The following FERMT2 variants were observed in gnomAD, a reference collection of about 807,000 sequenced individuals.
FERMT2 encodes the protein fermitin family homolog 2.
Under a neutral mutation model 82.7 loss-of-function variants are expected in FERMT2, and 15 were observed. That is an observed-to-expected ratio of 0.18 (90% confidence interval 0.12 to 0.28). The LOEUF is 0.28. Ranked by LOEUF, FERMT2 falls within the 10% of genes least tolerant of loss-of-function variation. The pLI is 1.00. For missense variants in FERMT2, 645 were observed against 809.4 expected, an observed-to-expected ratio of 0.80 and a Z score of 2.46; for synonymous variants, 274 against 271.5, an observed-to-expected ratio of 1.01 and a Z score of -0.09.
chr14:52,869,661 CTA>C (rs141661661), intron 10 of FERMT2, among the ~76,000 whole-genome samples: 13,048 of 152,236 alleles, frequency 0.086, 663 homozygotes, highest in Middle Eastern at 0.15. Context: ...TGATAAATGA[CTA>C]TGTTACTGGT....
intron 8 of FERMT2, 41 bp downstream of exon 8, chr14:52,875,177 ATCAAT>A: frequency 6.5e-7 from 1 of 1,544,776 alleles, no homozygotes; most frequent in Non-Finnish European, 8.8e-7. Context: ...AATGGAATGC[ATCAAT>A]TCAAGCTAAA....
At chr14:52,906,708 C>T (rs1394506509) in intron 3 of FERMT2, among the ~76,000 whole-genome samples, 1 of 151,374 alleles carries the variant, frequency 6.6e-6, no homozygotes, top group Non-Finnish European at 1.5e-5. Context: ...ATGAAAAAAA[C>T]ATCTTAAATG....
In FERMT2 at chr14:52,859,640, C is replaced by A. The variant is rs945906576; in HGVS notation, c.1802G>T (p.Gly601Val). The A allele has an allele frequency of 1.1e-5, 18 of 1,612,270 alleles. No individual in the cohort carries two copies. Among genetic ancestry groups the A allele is most frequent in the Non-Finnish European group, 1.4e-5 (16 of 1,179,088 alleles). ...GAAACGCCATGTTTTAATTGCATCTCCAGTGCTGGCATCCATCCGAATCAG... is the reference window on the plus strand; with the variant it reads ...GAAACGCCATGTTTTAATTGCATCTACAGTGCTGGCATCCATCCGAATCAG... Reference protein sequence around the residue: ...NRLIRMDASTGDAIKTWRFSN... With the variant: ...NRLIRMDASTVDAIKTWRFSN... Residue 601 changes from glycine (G) to valine (V), a missense_variant, in exon 14 of 15, where the codon GGA becomes GTA. Physicochemically the swap from Gly to Val is moderately radical, Grantham distance 109. Transcript: ENST00000341590.
Position 52,860,445 on chromosome 14 carries a change from C to A in FERMT2, c.1623G>T (p.Glu541Asp). The change falls in exon 13 of 15, where the codon GAG becomes GAT. Residue 541 changes from glutamate (E) to aspartate (D), a missense_variant. Physicochemically the swap from Glu to Asp is conservative, Grantham distance 45. Transcript: ENST00000341590. Reference sequence around the variant, plus strand: ...TCATCTGAGCTACATTCTGATGGGCCTCCAAGATTCTCGCTGTTATCTAAA... The same window carrying A: ...TCATCTGAGCTACATTCTGATGGGCATCCAAGATTCTCGCTGTTATCTAAA... Reference protein sequence around the residue: ...KNKQITARILEAHQNVAQMSL... With the variant: ...KNKQITARILDAHQNVAQMSL... The A allele has an allele frequency of 6.2e-7, 1 of 1,612,780 alleles. No individual in the cohort carries two copies. The highest frequency in any genetic ancestry group is 1.7e-5 in the Admixed American group (1 of 59,818).
rs146421425 is a variant in FERMT2, at chr14:52,881,283, T to C, written c.713A>G (p.Lys238Arg). 1.0e-3 allele frequency: 1,657 copies of C among 1,613,992 alleles called. No homozygotes were observed. The highest frequency in any genetic ancestry group is 1.3e-3 in the Non-Finnish European group (1,558 of 1,180,002). Residue 238 changes from lysine to arginine, a missense_variant, in exon 5 of 15, where the codon AAG (lysine) becomes AGG (arginine). Lys to Arg is a conservative substitution (Grantham distance 26). Coordinates refer to ENST00000341590, the MANE Select transcript of FERMT2 (RefSeq NM_006832.3). The stretch of plus-strand genomic sequence containing the variant: ...TGCTTTATCAAGAAGAGCTTGAGGC[T>C]TGAACATTTTTGCCAAGATTTCTGG... Reference protein sequence around the residue: ...TSPEILAKMFKPQALLDKAKI... With the variant: ...TSPEILAKMFRPQALLDKAKI...
chr14:52,944,656 C>T (rs1890244806), intron 2 of FERMT2, among the ~76,000 whole-genome samples: 1 of 152,226 alleles, frequency 6.6e-6, no homozygotes, highest in African/African-American at 2.4e-5. Flanking sequence ...TTTTCCACTT[C>T]TGTGAGATGC....
At chr14:52,883,181 A>AACCCT (rs1181952980) in intron 4 of FERMT2, among the ~76,000 whole-genome samples, 2 of 152,118 alleles carry the variant, frequency 1.3e-5, no homozygotes, top group Non-Finnish European at 2.9e-5. Flanking sequence ...ACAAACAAAA[A>AACCCT]ACCCTCTAAA....
chr14:52,878,503 T>A, intron 7 of FERMT2, 79 bp downstream of exon 7: 1 of 853,226 alleles, frequency 1.2e-6, no homozygotes, highest in Non-Finnish European at 1.9e-6. Flanking sequence ...TTACTGGAAT[T>A]ACTATTCCAC....
chr14:52,933,626 C>T (rs533032074), intron 2 of FERMT2, among the ~76,000 whole-genome samples: 11 of 137,542 alleles, frequency 8.0e-5, no homozygotes, highest in Admixed American at 4.9e-4. Context: ...AGGAGAATTG[C>T]TTGAACACTG....
intron 2 of FERMT2, among the ~76,000 whole-genome samples, chr14:52,933,726 AAAAAAAAAAAAG>A (rs1427119520): frequency 2.0e-4 from 30 of 149,816 alleles, no homozygotes; most frequent in East Asian, 3.9e-4. Flanking sequence ...AAAAAAAAAA[AAAAAAAAAAAAG>A]GGAAAAGAAA....
chr14:52,935,273 A>C (rs1426589812), intron 2 of FERMT2, among the ~76,000 whole-genome samples: 1 of 152,222 alleles, frequency 6.6e-6, no homozygotes, highest in African/African-American at 2.4e-5. Flanking sequence ...ATTTCAATTA[A>C]GGTACCCCAT....
intron 6 of FERMT2, among the ~76,000 whole-genome samples, chr14:52,879,194 A>G (rs999526858): frequency 1.3e-5 from 2 of 152,234 alleles, no homozygotes; most frequent in Non-Finnish European, 2.9e-5. Context: ...AGTTATTTTA[A>G]GTATGCAAAA....
intron 6 of FERMT2, among the ~76,000 whole-genome samples, chr14:52,880,574 T>G (rs1886231245): frequency 6.6e-6 from 1 of 152,106 alleles, no homozygotes; most frequent in African/African-American, 2.4e-5. Flanking sequence ...AGTTTTTGTA[T>G]TTTTAGTAGA....
chr14:52,876,822 T>C (rs897288416), intron 7 of FERMT2, among the ~76,000 whole-genome samples: 1 of 152,170 alleles, frequency 6.6e-6, no homozygotes, highest in Non-Finnish European at 1.5e-5. Flanking sequence ...CACCATACTT[T>C]CACAGTTTCC....
chr14:52,891,901 C>A (rs1266437518), intron 4 of FERMT2, among the ~76,000 whole-genome samples: 2 of 152,098 alleles, frequency 1.3e-5, no homozygotes. Context: ...CTGCTGAATG[C>A]CATATGCTGA....
At chr14:52,950,776 G>C in intron 1 of FERMT2, 145 bp downstream of exon 1, 2 of 510,740 alleles carry the variant, frequency 3.9e-6, no homozygotes, top group Admixed American at 4.0e-5. Flanking sequence ...CCTCGGTCCC[G>C]GCGCCGCCCG....
chr14:52,930,183 G>C (rs1889496596), intron 2 of FERMT2, among the ~76,000 whole-genome samples: 1 of 152,128 alleles, frequency 6.6e-6, no homozygotes, highest in African/African-American at 2.4e-5. Context: ...GAGTGGCAGA[G>C]ATTCCCCTAG....
chr14:52,905,917 T>G (rs891802810), intron 3 of FERMT2, among the ~76,000 whole-genome samples: 6 of 151,982 alleles, frequency 3.9e-5, no homozygotes, highest in African/African-American at 1.5e-4. Flanking sequence ...CTAGGAAAAA[T>G]TAAGAATGGA....
chr14:52,950,911 G>A lies in FERMT2; in HGVS notation c.-10+10C>T. 1 of 181,374 alleles carries A rather than the reference G, an allele frequency of 5.5e-6. No homozygotes were observed. The highest frequency in any genetic ancestry group is 1.1e-5 in the Non-Finnish European group (1 of 87,976). 11.2% of individuals were successfully genotyped at this position (181,374 alleles called of 1,614,324 possible). ...CCCCCTCGGGTCCCGGCGGGGTCCC[G>A]CTCCCTCACCGCGCGCTCCTAGCGC... On this transcript the variant is annotated intron_variant, in intron 1 of 14. Coordinates refer to ENST00000341590, the MANE Select transcript of FERMT2 (RefSeq NM_006832.3).
Sources: gnomAD v4.1 joint callset for allele counts (sites outside exome capture counted in the v4.1 genomes callset) on GRCh38, gnomAD v4.1.1 for gene constraint, MANE v1.5 for transcripts, NCBI Gene and HGNC (gene_info 2026-07-23, HGNC 2026-07-21) for gene names.